TTLL5: variants seen among roughly 807,000 people sequenced by gnomAD.
The protein encoded by TTLL5 is tubulin tyrosine ligase like 5, also known as tubulin polyglutamylase TTLL5.
In TTLL5, 132 loss-of-function variants were observed where a neutral mutation model predicts 168.4. The ratio of observed to expected loss-of-function variants is 0.78; its 90% CI spans 0.68 to 0.91. TTLL5 has a LOEUF of 0.91. Among genes scored for constraint, TTLL5 ranks in the 40% least tolerant of loss-of-function variants. TTLL5 has a pLI of 0.00. For missense variants in TTLL5, 1,545 were observed against 1,581.5 expected (o/e 0.98, Z 0.39); for synonymous variants, 546 against 558.6 (o/e 0.98, Z 0.32).
chr14:75,794,647 A>G (rs1892904002), intron 27 of TTLL5, among the ~76,000 whole-genome samples: 2 of 152,176 alleles, frequency 1.3e-5, no homozygotes, highest in African/African-American at 2.4e-5. Flanking sequence ...CCAGCGAATT[A>G]AAAGTCCATT....
intron 31 of TTLL5, among the ~76,000 whole-genome samples, chr14:75,902,747 G>A (rs1219673488): frequency 6.6e-6 from 1 of 152,304 alleles, no homozygotes; most frequent in South Asian, 2.1e-4. Context: ...CAGTGTAGGT[G>A]CATACAGATA....
At chr14:75,765,934 A>G (rs113795047) in intron 19 of TTLL5, 128 bp from the exon 20 acceptor site, 37 of 690,108 alleles carry the variant, frequency 5.4e-5, no homozygotes, top group African/African-American at 4.3e-4. Flanking sequence ...TGTGGGTGCT[A>G]TTAATTCTGT....
intron 24 of TTLL5, among the ~76,000 whole-genome samples, chr14:75,780,228 C>G (rs1408624849): frequency 6.6e-6 from 1 of 152,200 alleles, no homozygotes; most frequent in Admixed American, 6.5e-5. Context: ...CTTTCTCTAA[C>G]TTAACATCAT....
chr14:75,887,172 G>C, intron 30 of TTLL5: 2 of 1,011,336 alleles, frequency 2.0e-6, no homozygotes, highest in South Asian at 8.9e-5. Flanking sequence ...AAAGCCATCA[G>C]GACTGGGTAG....
chr14:75,796,825 A>G (rs117195340), intron 27 of TTLL5, among the ~76,000 whole-genome samples: 1,601 of 152,120 alleles, frequency 0.011, 34 homozygotes, highest in South Asian at 0.083. Context: ...TTTGGTAACT[A>G]TATCCTTTTA....
rs757154906 is a variant in TTLL5 at position 75,766,187 on chromosome 14, A to G, written c.1834A>G (p.Arg612Gly). The G allele has an allele frequency of 6.2e-7, 1 of 1,614,116 alleles. No individual in the cohort carries two copies. Among genetic ancestry groups the G allele is most frequent in the Non-Finnish European group, 8.5e-7 (1 of 1,180,008 alleles). The change falls in exon 20 of 32, where the codon AGA becomes GGA. Residue 612 changes from arginine (R) to glycine (G), a missense_variant. Physicochemically the swap from Arg to Gly is moderately radical, Grantham distance 125. Transcript: ENST00000298832. ...ASQEESAGFL[R>G]ENQAKYTPSL... ...CCAGGAGGAGTCTGCAGGATTTCTT[A>G]GAGAAAATCAAGCCAAATATACACC... is the stretch of plus-strand genomic sequence containing the variant.
chr14:75,681,762 G>T, intron 4 of TTLL5, 135 bp downstream of exon 4: 1 of 667,890 alleles, frequency 1.5e-6, no homozygotes, highest in East Asian at 2.7e-5. Context: ...CCAGAACTCA[G>T]ATTGAATTTT....
At chr14:75,777,550 A>G (rs1341627503) in intron 23 of TTLL5, among the ~76,000 whole-genome samples, 1 of 152,226 alleles carries the variant, frequency 6.6e-6, no homozygotes, top group Non-Finnish European at 1.5e-5. Flanking sequence ...AAAGGAAGAG[A>G]TAACAAAGGC....
chr14:75,704,735 T>C (rs1886530982), intron 7 of TTLL5, among the ~76,000 whole-genome samples: 2 of 152,254 alleles, frequency 1.3e-5, no homozygotes, highest in South Asian at 4.1e-4. Context: ...AAAGAAACTA[T>C]ATCCAAACCT....
At chr14:75,942,225 T>A (rs1037049369) in intron 31 of TTLL5, among the ~76,000 whole-genome samples, 4 of 151,980 alleles carry the variant, frequency 2.6e-5, no homozygotes, top group Non-Finnish European at 5.9e-5. Flanking sequence ...TTCAGACAGC[T>A]GATGAGTGGT....
intron 3 of TTLL5, among the ~76,000 whole-genome samples, chr14:75,676,205 A>T: frequency 6.6e-6 from 1 of 152,126 alleles, no homozygotes; most frequent in Non-Finnish European, 1.5e-5. Flanking sequence ...TCTTCTGGAG[A>T]CATCCTCACA....
intron 30 of TTLL5, chr14:75,886,661 G>T: frequency 6.3e-7 from 1 of 1,590,338 alleles, no homozygotes; most frequent in Non-Finnish European, 8.5e-7. Flanking sequence ...AATCTTTCTT[G>T]ATTTTCTTCT....
At chr14:75,827,961 C>T (rs1399835740) in intron 28 of TTLL5, among the ~76,000 whole-genome samples, 1 of 151,966 alleles carries the variant, frequency 6.6e-6, no homozygotes, top group Admixed American at 6.6e-5. Flanking sequence ...AAGCAGTCCA[C>T]CCGCCTCAGT....
chr14:75,700,480 G>A (rs1328988251), intron 7 of TTLL5, among the ~76,000 whole-genome samples: 1 of 151,974 alleles, frequency 6.6e-6, no homozygotes, highest in Admixed American at 6.5e-5. Context: ...GTGCACAGCT[G>A]CAGCCAACAC....
chr14:75,954,078 C>A (rs2035038849), intron 31 of TTLL5, among the ~76,000 whole-genome samples: 1 of 151,962 alleles, frequency 6.6e-6, no homozygotes, highest in Non-Finnish European at 1.5e-5. Flanking sequence ...GAAACCCCAT[C>A]TCCACTAAAA....
intron 28 of TTLL5, among the ~76,000 whole-genome samples, chr14:75,853,171 A>C (rs904715692): frequency 6.6e-6 from 1 of 152,186 alleles, no homozygotes; most frequent in Admixed American, 6.5e-5. Context: ...TCTGCCCTTC[A>C]TCCACAGGAC....
At chr14:75,785,223 C>G (rs566022106) in intron 26 of TTLL5, among the ~76,000 whole-genome samples, 2 of 147,418 alleles carry the variant, frequency 1.4e-5, no homozygotes, top group South Asian at 4.3e-4. Flanking sequence ...GCTGTGCCGC[C>G]AGGCTGGAGT....
At chr14:75,765,930 T>C (rs1890950767) in intron 19 of TTLL5, 132 bp from the exon 20 acceptor site, 6 of 638,130 alleles carry the variant, frequency 9.4e-6, no homozygotes, top group Non-Finnish European at 1.6e-5. Flanking sequence ...GACATGTGGG[T>C]GCTATTAATT....
intron 15 of TTLL5, among the ~76,000 whole-genome samples, chr14:75,736,201 C>T (rs1888896221): frequency 6.6e-6 from 1 of 152,152 alleles, no homozygotes; most frequent in Non-Finnish European, 1.5e-5. Context: ...TTTCTTCCTA[C>T]TCCCCATTTT....
Sources: allele counts gnomAD v4.1 joint callset (sites outside exome capture counted in the v4.1 genomes callset), GRCh38; gene constraint gnomAD v4.1.1; transcripts MANE v1.5; gene names NCBI Gene and HGNC (gene_info 2026-07-23, HGNC 2026-07-21).